Variants in KIF26B observed in about 807,000 individuals in gnomAD.
KIF26B encodes the protein kinesin-like protein KIF26B.
A neutral mutation model predicts 151.2 loss-of-function variants in KIF26B; 63 were observed. That is an observed-to-expected ratio of 0.42 (90% confidence interval 0.34 to 0.51). The LOEUF (loss-of-function observed/expected upper bound fraction) is 0.51, where lower values mean the gene tolerates loss of function less well. Among genes scored for constraint, KIF26B ranks in the 20% least tolerant of loss-of-function variants. KIF26B has a pLI of 0.07. For missense variants in KIF26B, 2,813 were observed against 2,913.6 expected (o/e 0.97, Z 0.79); for synonymous variants, 1,357 against 1,262.1 (o/e 1.08, Z -1.59).
chr1:245,431,546 A>G (rs902513738), intron 4 of KIF26B, among the ~76,000 whole-genome samples: 2 of 152,078 alleles, frequency 1.3e-5, no homozygotes, highest in East Asian at 1.9e-4. Context: ...GGGTTTCACT[A>G]TGTTGGCCAG....
chr1:245,189,279 G>A (rs1669053748), intron 2 of KIF26B, among the ~76,000 whole-genome samples: 1 of 152,160 alleles, frequency 6.6e-6, no homozygotes, highest in Non-Finnish European at 1.5e-5. Flanking sequence ...TGGGAAATAT[G>A]ATATAATAAA....
intron 2 of KIF26B, among the ~76,000 whole-genome samples, chr1:245,246,662 A>C (rs928305657): frequency 3.3e-5 from 5 of 152,202 alleles, no homozygotes; most frequent in Non-Finnish European, 1.5e-5. Context: ...TCCCATAGTC[A>C]TTGAGGAATC....
At position 245,540,862 on chromosome 1, in the gene KIF26B, G is replaced by A; in HGVS notation, c.1262G>A (p.Ser421Asn). The A allele has an allele frequency of 6.2e-7, 1 of 1,613,930 alleles. No individual in the cohort carries two copies. Residue 421 changes from serine to asparagine, a missense_variant, in exon 5 of 15, where the codon AGT becomes AAT. By Grantham distance (46) the Ser-to-Asn change is conservative (BLOSUM62 1). Around this residue, in one of 3 missense-constraint regions of KIF26B, gnomAD observed 676 missense variants for 688.1 expected, o/e 0.98. Transcript: ENST00000407071. This position sits in a 1 kb window ranked among gnomAD's most constrained non-coding sequence, Gnocchi z 4.6. ...CCACCGCTCTTTGCAACCAGCTTCA[G>A]TGGGATTCTGCAGACCTCCCCTCCC... Reference protein sequence around the residue: ...AEPPLFATSFSGILQTSPPPA... With the variant: ...AEPPLFATSFNGILQTSPPPA...
At chr1:245,558,360 GC>G (rs35434127) in intron 5 of KIF26B, among the ~76,000 whole-genome samples, 5,992 of 152,290 alleles carry the variant, frequency 0.039, 431 homozygotes, top group African/African-American at 0.14. Context: ...AGTTTTTGGT[GC>G]TGCAAAGAGG....
At chr1:245,257,790 C>T (rs1364669981) in intron 2 of KIF26B, among the ~76,000 whole-genome samples, 5 of 152,094 alleles carry the variant, frequency 3.3e-5, no homozygotes, top group South Asian at 2.1e-4. Flanking sequence ...GGGAGGCCAA[C>T]GTGGACGAAT....
In KIF26B at chr1:245,688,491, G is replaced by C. The variant is rs1336863055; in HGVS notation, c.5508G>C (p.Leu1836=). 1 of 1,455,676 alleles carries C rather than the reference G, an allele frequency of 6.9e-7. No homozygotes were observed. Among genetic ancestry groups the C allele is most frequent in the Admixed American group, 2.5e-5 (1 of 39,304 alleles). 90.2% of individuals were successfully genotyped at this position (1,455,676 alleles called of 1,614,324 possible). A position where few individuals can be genotyped will look rare whatever the true frequency, so the allele number is the denominator to read the frequency against. Residue 1836 remains leucine (L), a synonymous_variant, in exon 12 of 15, where the codon CTG becomes CTC. Transcript: ENST00000407071. Reference sequence around the variant, plus strand: ...AGGCGGAGGCGCGCGGGGGGGCCCTGGCCGAGGACGAGCCCGCGGCCGCGC... The same window carrying C: ...AGGCGGAGGCGCGCGGGGGGGCCCTCGCCGAGGACGAGCCCGCGGCCGCGC... The part of the protein sequence containing the change: ...GPEAEARGGA[L]AEDEPAAAHL...
rs1464294058 is a variant in KIF26B at position 245,540,375 on chromosome 1, T to A, written c.1167-392T>A. Among the ~76,000 whole-genome samples the A allele has an allele frequency of 1.3e-5, 2 of 152,330 alleles. No homozygotes were observed. The highest frequency in any genetic ancestry group is 4.8e-5 in the African/African-American group (2 of 41,574). ...GGATTTTACAAGGTGTTAGAGTTTT[T>A]AAATTAGCTCATGAGGTCTCTCGCA... On this transcript the variant is annotated intron_variant, in intron 4 of 14. Coordinates refer to ENST00000407071, the MANE Select transcript of KIF26B (RefSeq NM_018012.4). This position sits in a 1 kb window ranked among gnomAD's most constrained non-coding sequence, Gnocchi z 4.6.
At chr1:245,487,411 G>A (rs1408517561) in intron 4 of KIF26B, among the ~76,000 whole-genome samples, 1 of 152,128 alleles carries the variant, frequency 6.6e-6, no homozygotes, top group East Asian at 1.9e-4. Context: ...CAAGCACAGG[G>A]CCTACGTGCT....
intron 2 of KIF26B, among the ~76,000 whole-genome samples, chr1:245,343,960 G>C (rs1467672863): frequency 6.6e-6 from 1 of 152,190 alleles, no homozygotes; most frequent in African/African-American, 2.4e-5. Context: ...GGGGGGCCAA[G>C]GGCTTCCTTA....
intron 9 of KIF26B, among the ~76,000 whole-genome samples, chr1:245,632,191 A>G (rs1422255203): frequency 6.6e-6 from 1 of 151,810 alleles, no homozygotes; most frequent in Non-Finnish European, 1.5e-5. Flanking sequence ...CCCTCTTACT[A>G]CTGCTTTTGT....
At chr1:245,174,350 T>G (rs559970390) in intron 2 of KIF26B, among the ~76,000 whole-genome samples, 1 of 152,256 alleles carries the variant, frequency 6.6e-6, no homozygotes, top group Admixed American at 6.5e-5. Context: ...AGGAGTATCA[T>G]GGCCAGATGT....
At chr1:245,640,004 G>A (rs949697902) in intron 9 of KIF26B, among the ~76,000 whole-genome samples, 15 of 150,440 alleles carry the variant, frequency 1.0e-4, no homozygotes, top group Admixed American at 9.3e-4. Flanking sequence ...TTAATTCTGA[G>A]GTTTCTTTGT....
intron 2 of KIF26B, among the ~76,000 whole-genome samples, chr1:245,340,998 C>T (rs1003491225): frequency 1.6e-4 from 25 of 152,196 alleles, no homozygotes; most frequent in African/African-American, 6.0e-4. Flanking sequence ...ATGGAATTGA[C>T]TAGCATCATT....
chr1:245,357,579 T>C (rs1672726910), intron 2 of KIF26B, among the ~76,000 whole-genome samples: 1 of 152,216 alleles, frequency 6.6e-6, no homozygotes, highest in Admixed American at 6.5e-5. Flanking sequence ...TACACTTTGA[T>C]ATTTTTGGAC....
intron 2 of KIF26B, among the ~76,000 whole-genome samples, chr1:245,162,983 T>C (rs1263685140): frequency 1.3e-5 from 2 of 152,236 alleles, no homozygotes; most frequent in East Asian, 3.8e-4. Context: ...AAGATATAGA[T>C]CAAATTTCAT....
intron 9 of KIF26B, among the ~76,000 whole-genome samples, chr1:245,643,229 G>C (rs894825894): frequency 5.9e-5 from 9 of 152,032 alleles, no homozygotes; most frequent in African/African-American, 1.9e-4. Context: ...TTATTGATAT[G>C]GTTTGGTTCA....
intron 2 of KIF26B, among the ~76,000 whole-genome samples, chr1:245,321,947 T>G (rs115259235): frequency 0.014 from 2,135 of 152,252 alleles, 47 homozygotes; most frequent in African/African-American, 0.047. Context: ...ACCAAGAAAG[T>G]ACGTTGAGAT....
intron 2 of KIF26B, among the ~76,000 whole-genome samples, chr1:245,221,514 C>T (rs911856006): frequency 3.4e-4 from 52 of 151,936 alleles, no homozygotes; most frequent in African/African-American, 1.3e-3. Flanking sequence ...TTCAAACCAT[C>T]TCCTGCCTCA....
intron 4 of KIF26B, among the ~76,000 whole-genome samples, chr1:245,458,835 C>T (rs969308161): frequency 2.6e-5 from 4 of 152,246 alleles, no homozygotes; most frequent in East Asian, 3.8e-4. Flanking sequence ...TACTGGTACA[C>T]TCATGTTTGA....
Sources: allele counts gnomAD v4.1 joint callset (sites outside exome capture counted in the v4.1 genomes callset), GRCh38; gene constraint gnomAD v4.1.1; regional missense constraint gnomAD v4.1.1; non-coding constraint Gnocchi (gnomAD v3.1); transcripts MANE v1.5; gene names NCBI Gene and HGNC (gene_info 2026-07-23, HGNC 2026-07-21).